The following RANBP17 variants were observed in gnomAD, a reference collection of about 807,000 sequenced individuals.
The protein encoded by RANBP17 is RAN binding protein 17.
RANBP17 carries 158 observed loss-of-function variants against 141.2 expected under a neutral mutation model. The observed-to-expected ratio is 1.12, with a 90% CI of 0.98 to 1.28. RANBP17 has a LOEUF of 1.28. RANBP17 is among the 50% of genes most tolerant of loss of function. The probability of loss-of-function intolerance (pLI) is 0.00; values close to 1 mark genes in which losing one functional copy is unlikely to be tolerated. For missense variants in RANBP17, 1,438 were observed against 1,290.7 expected, an observed-to-expected ratio of 1.11 and a Z score of -1.75; for synonymous variants, 430 against 450.0, an observed-to-expected ratio of 0.96 and a Z score of 0.56.
intron 14 of RANBP17, among the ~76,000 whole-genome samples, chr5:171,001,109 G>A (rs1779171248): frequency 6.6e-6 from 1 of 152,064 alleles, no homozygotes; most frequent in Non-Finnish European, 1.5e-5. Context: ...AAATATTTTG[G>A]GGGTGGTATG....
chr5:171,189,165 G>A (rs1761466751), intron 18 of RANBP17, among the ~76,000 whole-genome samples: 1 of 152,098 alleles, frequency 6.6e-6, no homozygotes, highest in South Asian at 2.1e-4. Flanking sequence ...TGCATGGTAG[G>A]TGCTCAATAT....
chr5:171,056,228 G>T (rs544803198), intron 14 of RANBP17, among the ~76,000 whole-genome samples: 2 of 152,130 alleles, frequency 1.3e-5, no homozygotes, highest in African/African-American at 2.4e-5. Context: ...CTCTCCATGA[G>T]TCCTGAAAGT....
At chr5:170,997,286 C>G (rs1018738076) in intron 14 of RANBP17, among the ~76,000 whole-genome samples, 6 of 152,162 alleles carry the variant, frequency 3.9e-5, no homozygotes, top group African/African-American at 1.4e-4. Flanking sequence ...TTGGGCTGTT[C>G]TTTATAGCAG....
At chr5:171,019,948 C>T (rs1780737604) in intron 14 of RANBP17, among the ~76,000 whole-genome samples, 1 of 152,060 alleles carries the variant, frequency 6.6e-6, no homozygotes, top group East Asian at 1.9e-4. Flanking sequence ...GCTTTAGCTG[C>T]GTCCCAGAGA....
At chr5:171,286,764 C>G (rs1389218834) in intron 25 of RANBP17, among the ~76,000 whole-genome samples, 1 of 152,192 alleles carries the variant, frequency 6.6e-6, no homozygotes, top group Non-Finnish European at 1.5e-5. Context: ...CAGAAACCCC[C>G]TTACTTCCAC....
chr5:171,212,579 C>T (rs751349661), intron 20 of RANBP17, among the ~76,000 whole-genome samples: 13 of 152,120 alleles, frequency 8.5e-5, no homozygotes, highest in Admixed American at 3.3e-4. Flanking sequence ...CACCGTGCTA[C>T]GGAGTTTGAA....
At chr5:171,175,242 T>C (rs892536061) in intron 16 of RANBP17, among the ~76,000 whole-genome samples, 4 of 152,190 alleles carry the variant, frequency 2.6e-5, no homozygotes, top group Admixed American at 2.6e-4. Flanking sequence ...CCATTGTGAA[T>C]AGTGCTGCAG....
chr5:170,941,098 A>G (rs925293689), intron 12 of RANBP17, among the ~76,000 whole-genome samples: 1 of 152,200 alleles, frequency 6.6e-6, no homozygotes, highest in Non-Finnish European at 1.5e-5. Context: ...TTTTTGGAAT[A>G]TAGTGAAAGA....
At chr5:171,264,534 C>T (rs1766540806) in intron 24 of RANBP17, among the ~76,000 whole-genome samples, 1 of 152,194 alleles carries the variant, frequency 6.6e-6, no homozygotes, top group African/African-American at 2.4e-5. Flanking sequence ...TCAGTGTCCT[C>T]ACCTGTAAAT....
chr5:171,170,997 A>C (rs1180084421), intron 15 of RANBP17, among the ~76,000 whole-genome samples: 1 of 152,124 alleles, frequency 6.6e-6, no homozygotes, highest in East Asian at 1.9e-4. Flanking sequence ...GTAGAATTAT[A>C]CACCATTTGG....
intron 14 of RANBP17, among the ~76,000 whole-genome samples, chr5:171,119,686 A>C (rs550305755): frequency 6.6e-6 from 1 of 152,154 alleles, no homozygotes; most frequent in Admixed American, 6.5e-5. Context: ...CTTTTTAGGT[A>C]TTCAAAGGGA....
At chr5:170,968,650 T>G in intron 14 of RANBP17, 2 of 505,262 alleles carry the variant, frequency 4.0e-6, no homozygotes, top group South Asian at 3.2e-5. Flanking sequence ...CTAATCAATT[T>G]TGCCTTATTG....
chr5:171,049,082 T>C (rs1782783569), intron 14 of RANBP17, among the ~76,000 whole-genome samples: 1 of 152,220 alleles, frequency 6.6e-6, no homozygotes, highest in South Asian at 2.1e-4. Flanking sequence ...GCTGAACTAA[T>C]TTACATTCCC....
intron 1 of RANBP17, among the ~76,000 whole-genome samples, chr5:170,877,393 T>C (rs1768274183): frequency 6.6e-6 from 1 of 152,048 alleles, no homozygotes; most frequent in Admixed American, 6.6e-5. Context: ...AGCCCTCTAA[T>C]AGCTGGGACT....
chr5:170,924,248 G>A, intron 11 of RANBP17, 109 bp from the exon 12 acceptor site: 1 of 719,114 alleles, frequency 1.4e-6, no homozygotes, highest in Non-Finnish European at 2.1e-6. Flanking sequence ...TCCTGCCTCT[G>A]TCTTTTATTC....
At chr5:171,159,759 A>G (rs891216335) in intron 14 of RANBP17, among the ~76,000 whole-genome samples, 1 of 151,446 alleles carries the variant, frequency 6.6e-6, no homozygotes, top group African/African-American at 2.4e-5. Context: ...GTCTCTACTA[A>G]AAAAATACAA....
chr5:170,987,801 G>A (rs1376150685), intron 14 of RANBP17, among the ~76,000 whole-genome samples: 1 of 151,432 alleles, frequency 6.6e-6, no homozygotes, highest in East Asian at 1.9e-4. Flanking sequence ...AGGATGTTTG[G>A]GGCAGAAAAA....
chr5:171,040,194 T>C (rs892856950), intron 14 of RANBP17, among the ~76,000 whole-genome samples: 5 of 152,176 alleles, frequency 3.3e-5, no homozygotes, highest in South Asian at 2.1e-4. Context: ...ACTTCATTCC[T>C]GGGATGCAAG....
chr5:171,147,225 C>A (rs1430952269), intron 14 of RANBP17, among the ~76,000 whole-genome samples: 2 of 151,682 alleles, frequency 1.3e-5, no homozygotes, highest in Non-Finnish European at 2.9e-5. Flanking sequence ...CTGGTTAGCA[C>A]AATGAGTGGC....
Sources: allele counts gnomAD v4.1 joint callset (sites outside exome capture counted in the v4.1 genomes callset), GRCh38; gene constraint gnomAD v4.1.1; transcripts MANE v1.5; gene names NCBI Gene and HGNC (gene_info 2026-07-23, HGNC 2026-07-21).